Variants in TJP2 observed in about 807,000 individuals in gnomAD.
The protein encoded by TJP2 is Friedreich ataxia region gene X104 (tight junction protein ZO-2).
In TJP2, 91 loss-of-function variants were observed where a neutral mutation model predicts 133.1. The ratio of observed to expected loss-of-function variants is 0.68; its 90% CI spans 0.58 to 0.81. TJP2 has a LOEUF of 0.81. TJP2 is among the 40% of genes least tolerant of loss of function. The pLI is 0.00. For synonymous variants in TJP2, 592 were observed against 583.4 expected (o/e 1.01, Z -0.21); for missense variants, 1,541 against 1,565.6 (o/e 0.98, Z 0.26).
At chr9:69,214,986 A>G (rs1206566057) in intron 2 of TJP2, among the ~76,000 whole-genome samples, 1 of 152,216 alleles carries the variant, frequency 6.6e-6, no homozygotes, top group Non-Finnish European at 1.5e-5. Flanking sequence ...TTAGGCAGAC[A>G]TAAGAAAGAA....
chr9:69,160,085 A>G lies in TJP2; in HGVS notation c.-10+8314A>G, dbSNP rs149151663. ...GAAGATATGTAAAAAATAAAGTGTC[A>G]TTGGGAAGAATAGCTAGGATTGGCT... is the stretch of plus-strand genomic sequence containing the variant. On this transcript the variant is annotated intron_variant, in intron 2 of 5. Transcript: ENST00000423935. Among the ~76,000 whole-genome samples the G allele has an allele frequency of 9.8e-4, 149 of 152,188 alleles. 1 individual carries two copies. The East Asian group carries it at 0.026, about 26-fold the overall frequency.
At position 69,129,572 on chromosome 9, in the gene TJP2, A is replaced by G. The variant is rs572739577; in HGVS notation, c.-131+7847A>G. 5.9e-5 allele frequency among the ~76,000 whole-genome samples: 9 copies of G among 152,308 alleles called. No individual in the cohort carries two copies. In the South Asian group the frequency reaches 1.9e-3, roughly 32 times the overall value. On this transcript the variant is annotated intron_variant, in intron 1 of 5. Coordinates refer to the TJP2 transcript ENST00000423935. ...AAATATACAATAATATAGTTTAAAA[A>G]TCATATTAATACATTGTCTATATAT...
In TJP2 at chr9:69,240,006, A is replaced by G. The variant is rs1830474584; in HGVS notation, c.2425A>G (p.Ile809Val). Residue 809 changes from isoleucine to valine, a missense_variant, in exon 17 of 23, where the codon ATT becomes GTT. Ile to Val is a conservative substitution (Grantham distance 29). Transcript: ENST00000377245. The stretch of plus-strand genomic sequence containing the variant: ...GTTGAATTACACCCAGTGGTTCCCA[A>G]TTGTGATTTTTTTCAACCCAGACTC... The part of the protein sequence containing the change: ...DLLNYTQWFP[I>V]VIFFNPDSRQ... 1.2e-6 allele frequency: 2 copies of G among 1,614,164 alleles called. No homozygotes were observed. Among genetic ancestry groups the G allele is most frequent in the Non-Finnish European group, 1.7e-6 (2 of 1,180,026 alleles).
intron 1 of TJP2, among the ~76,000 whole-genome samples, chr9:69,133,614 C>T (rs952517462): frequency 2.8e-5 from 4 of 144,592 alleles, no homozygotes; most frequent in African/African-American, 7.9e-5. Context: ...TACAGTGGCG[C>T]GATCTCGGCT....
At chr9:69,162,516 A>T (rs554478173) in intron 2 of TJP2, among the ~76,000 whole-genome samples, 1 of 152,302 alleles carries the variant, frequency 6.6e-6, no homozygotes, top group Admixed American at 6.5e-5. Context: ...TGATTTTTAA[A>T]TTGTCCTCTA....
At chr9:69,178,784 A>G (rs920159925) in intron 1 of TJP2, among the ~76,000 whole-genome samples, 1 of 152,092 alleles carries the variant, frequency 6.6e-6, no homozygotes, top group Non-Finnish European at 1.5e-5. Flanking sequence ...TTGGTATGAT[A>G]TTTTTGATAT....
intron 2 of TJP2, among the ~76,000 whole-genome samples, chr9:69,156,972 G>A (rs1195171101): frequency 1.3e-5 from 2 of 152,100 alleles, no homozygotes; most frequent in African/African-American, 2.4e-5. Context: ...CCAAGTAACA[G>A]GCTTTAGAGA....
intron 22 of TJP2, chr9:69,253,441 A>G (rs1831486020): frequency 6.4e-6 from 1 of 155,206 alleles, no homozygotes; most frequent in Non-Finnish European, 1.4e-5. Flanking sequence ...AAAAAAAGTC[A>G]CATTTTCTTG....
chr9:69,212,627 C>T, intron 2 of TJP2, 26 bp downstream of exon 2: 2 of 1,570,604 alleles, frequency 1.3e-6, no homozygotes, highest in Non-Finnish European at 1.8e-6. Context: ...TTCATATATT[C>T]TACAGTCATG....
At chr9:69,177,187 G>C (rs1000831306) in intron 1 of TJP2, among the ~76,000 whole-genome samples, 1 of 152,190 alleles carries the variant, frequency 6.6e-6, no homozygotes, top group Non-Finnish European at 1.5e-5. Flanking sequence ...GGGCCCAACA[G>C]TTGTTGGACC....
intron 1 of TJP2, among the ~76,000 whole-genome samples, chr9:69,208,732 G>A (rs1177025988): frequency 2.0e-5 from 3 of 152,042 alleles, no homozygotes; most frequent in Non-Finnish European, 4.4e-5. Context: ...ATGTAGCATT[G>A]CCCAATCCTG....
At chr9:69,175,300 C>G (rs1398791684) in intron 1 of TJP2, among the ~76,000 whole-genome samples, 1 of 152,228 alleles carries the variant, frequency 6.6e-6, no homozygotes, top group Non-Finnish European at 1.5e-5. Flanking sequence ...TAGAAACTGC[C>G]TTGCGCTTCT....
In TJP2 at chr9:69,240,162, A is replaced by C; in HGVS notation, c.2566+15A>C. The C allele has an allele frequency of 6.2e-7, 1 of 1,606,082 alleles. No homozygotes were observed. Among genetic ancestry groups the C allele is most frequent in the Non-Finnish European group, 8.5e-7 (1 of 1,173,952 alleles). On this transcript the variant is annotated intron_variant, in intron 17 of 22. Transcript: ENST00000377245. ...CCTTTTTACAGGTAAGTGAAATGTA[A>C]ATGTAGTCCCTTTGCTAAAAAATGA...
At chr9:69,231,541 A>T (rs976971273) in intron 11 of TJP2, among the ~76,000 whole-genome samples, 4 of 152,002 alleles carry the variant, frequency 2.6e-5, no homozygotes, top group African/African-American at 9.7e-5. Context: ...GGCTCCAAGG[A>T]GAGGGGAGAA....
At position 69,236,162 on chromosome 9, in the gene TJP2, G is replaced by T; in HGVS notation, c.1915G>T (p.Asp639Tyr). ...EVFRVVDTLY[D>Y]GKLGNWLAVR... The stretch of plus-strand genomic sequence containing the variant: ...CTTCCGAGTGGTAGACACACTGTAT[G>T]ACGGCAAGCTGGGCAACTGGCTGGC... The change falls in exon 13 of 23, where the codon GAC becomes TAC. Residue 639 changes from aspartate (D) to tyrosine (Y), a missense_variant. By Grantham distance (160) the Asp-to-Tyr change is radical. Transcript: ENST00000377245. 6.2e-7 allele frequency: 1 copy of T among 1,614,194 alleles called. No individual in the cohort carries two copies. The highest frequency in any genetic ancestry group is 8.5e-7 in the Non-Finnish European group (1 of 1,180,032).
intron 2 of TJP2, among the ~76,000 whole-genome samples, 185 bp downstream of exon 2, chr9:69,212,786 G>T (rs1828021800): frequency 1.3e-5 from 2 of 151,916 alleles, no homozygotes; most frequent in South Asian, 2.1e-4. Context: ...TGTATTTTTT[G>T]ATTAAGGACT....
intron 1 of TJP2, among the ~76,000 whole-genome samples, chr9:69,176,464 ACT>A (rs1195279377): frequency 6.6e-6 from 1 of 152,148 alleles, no homozygotes; most frequent in African/African-American, 2.4e-5. Flanking sequence ...TGTTGTTCAC[ACT>A]CTGTTAAAAG....
chr9:69,171,198 T>G (rs1379218218), upstream of TJP2, among the ~76,000 whole-genome samples: 2 of 152,104 alleles, frequency 1.3e-5, no homozygotes, highest in Admixed American at 1.3e-4. Context: ...TAGGCTCACT[T>G]CCCGCTCGCG....
chr9:69,229,969 A>G (rs1197179074), intron 10 of TJP2, 113 bp from the exon 11 acceptor site: 10 of 1,382,808 alleles, frequency 7.2e-6, no homozygotes, highest in Non-Finnish European at 1.0e-5. Flanking sequence ...AGGGCTTTGT[A>G]AACTATAAAT....
Sources: allele counts gnomAD v4.1 joint callset (sites outside exome capture counted in the v4.1 genomes callset), GRCh38; gene constraint gnomAD v4.1.1; transcripts MANE v1.5; gene names NCBI Gene and HGNC (gene_info 2026-07-23, HGNC 2026-07-21).